PPP1R37: variants seen among roughly 807,000 people sequenced by gnomAD.
The protein encoded by PPP1R37 is leucine rich repeat containing 68.
PPP1R37 carries 21 observed loss-of-function variants against 61.0 expected under a neutral mutation model. The ratio of observed to expected loss-of-function variants is 0.34; its 90% CI spans 0.24 to 0.50. The LOEUF is 0.50. Among genes scored for constraint, PPP1R37 ranks in the 20% least tolerant of loss-of-function variants. The pLI, the probability that PPP1R37 is intolerant of heterozygous loss-of-function variation, is 0.98. For synonymous variants in PPP1R37, 443 were observed against 433.5 expected (o/e 1.02, Z -0.27); for missense variants, 910 against 952.7 (o/e 0.96, Z 0.59).
chr19:45,109,168 A>C (rs771888380), intron 1 of PPP1R37, among the ~76,000 whole-genome samples: 1 of 152,184 alleles, frequency 6.6e-6, no homozygotes, highest in Non-Finnish European at 1.5e-5. Context: ...GGACTCCTCT[A>C]TTGAAGATAG....
At position 45,146,467 on chromosome 19, in the gene PPP1R37, CTG is replaced by C. The variant is rs1200308868; in HGVS notation, c.2074_2075del (p.Ter692ThrfsTer3). On this transcript the variant is annotated frameshift_variant, in exon 12 of 13. Coordinates refer to ENST00000221462, the MANE Select transcript of PPP1R37 (RefSeq NM_019121.2). LOFTEE classifies it high-confidence loss of function. The stretch of plus-strand genomic sequence containing the variant: ...CAGTCAGGAATCCGGGCAGGAGACA[CTG>C]TGACACTTTAGGTGAGGCCAGGCCC... Reference protein sequence around the residue: ...EASQESGQETL With the variant: ...EASQESGQETX 4.6e-6 allele frequency: 7 copies of C among 1,535,388 alleles called. No individual in the cohort carries two copies. The highest frequency in any genetic ancestry group is 2.7e-5 in the African/African-American group (2 of 73,034).
chr19:45,100,870 G>A (rs536102599), intron 1 of PPP1R37, among the ~76,000 whole-genome samples: 1 of 152,352 alleles, frequency 6.6e-6, no homozygotes. Flanking sequence ...TCTGTCCTCA[G>A]CATTGCCTGC....
chr19:45,129,065 G>A, intron 1 of PPP1R37: 1 of 686,466 alleles, frequency 1.5e-6, no homozygotes, highest in Non-Finnish European at 2.7e-6. Flanking sequence ...TGGCAGCAGT[G>A]ATCTTCTGAG....
intron 1 of PPP1R37, among the ~76,000 whole-genome samples, chr19:45,104,880 C>G (rs1294820090): frequency 6.6e-6 from 1 of 152,198 alleles, no homozygotes; most frequent in Non-Finnish European, 1.5e-5. Context: ...CCGGCCCCAC[C>G]TACGCACACA....
chr19:45,113,919 T>G (rs1018735112), intron 1 of PPP1R37, among the ~76,000 whole-genome samples: 2 of 151,856 alleles, frequency 1.3e-5, no homozygotes, highest in Non-Finnish European at 2.9e-5. Flanking sequence ...GCAGGTGGGG[T>G]GGTGACTGGG....
At chr19:45,100,624 T>C (rs1170141232) in intron 1 of PPP1R37, among the ~76,000 whole-genome samples, 10 of 152,204 alleles carry the variant, frequency 6.6e-5, no homozygotes, top group Non-Finnish European at 1.5e-5. Context: ...TGCGCAGTAA[T>C]AACCCCTGTG....
intron 1 of PPP1R37, chr19:45,128,589 G>T: frequency 7.9e-7 from 1 of 1,262,432 alleles, no homozygotes. Flanking sequence ...TTTGGACTTC[G>T]AGACAAGAGA....
At chr19:45,115,877 G>A (rs572291754) in intron 1 of PPP1R37, among the ~76,000 whole-genome samples, 9 of 152,164 alleles carry the variant, frequency 5.9e-5, no homozygotes, top group African/African-American at 2.2e-4. Flanking sequence ...GGGAGGCTGA[G>A]GGAGGAGAAT....
rs980668963 is a variant in PPP1R37, at chr19:45,144,841, CCCCT to C, written c.988-6_988-3del. 3 of 1,523,684 alleles carry C rather than the reference CCCCT, an allele frequency of 2.0e-6. No individual in the cohort carries two copies. In the African/African-American group the frequency reaches 4.1e-5, roughly 21 times the overall value. The allele number at this position is 1,523,684 out of a possible 1,614,324, so 94.4% of individuals were successfully genotyped here. ...CACGGCCTCCTCCTCACCCTCACAC[CCCCT>C]CCCTCCAGCCGCACACTCAGAGCCT... On this transcript the variant is annotated splice_polypyrimidine_tract_variant and intron_variant, in intron 8 of 12. Transcript: ENST00000221462.
chr19:45,093,218 C>A lies in PPP1R37; in HGVS notation c.-108C>A. 1 of 931,672 alleles carries A rather than the reference C, an allele frequency of 1.1e-6. No individual in the cohort carries two copies. The highest frequency in any genetic ancestry group is 2.8e-5 in the South Asian group (1 of 36,100). 57.7% of individuals were successfully genotyped at this position (931,672 alleles called of 1,614,324 possible). A position where few individuals can be genotyped will look rare whatever the true frequency, so the allele number is the denominator to read the frequency against. ...CTAGGAGAGCGGACGGAGGCGGCGC[C>A]TGAAGCGGCGGCGGAGCCCATGCCC... On this transcript the variant is annotated 5_prime_UTR_variant, in exon 1 of 13. In the 5' UTR this introduces an upstream ATG that the reference lacks. Coordinates refer to ENST00000221462, the MANE Select transcript of PPP1R37 (RefSeq NM_019121.2).
intron 1 of PPP1R37, among the ~76,000 whole-genome samples, chr19:45,099,483 C>A (rs1968034720): frequency 1.3e-5 from 2 of 152,208 alleles, no homozygotes; most frequent in South Asian, 4.1e-4. Flanking sequence ...TCCTCTGGAG[C>A]GGGGGCTCCA....
intron 1 of PPP1R37, among the ~76,000 whole-genome samples, chr19:45,107,002 G>C (rs542881760): frequency 1.3e-5 from 2 of 151,634 alleles, no homozygotes; most frequent in South Asian, 4.2e-4. Context: ...GTTTTTAGTA[G>C]AGACGGGATT....
chr19:45,100,678 G>A (rs10417618), intron 1 of PPP1R37, among the ~76,000 whole-genome samples: 21,570 of 152,188 alleles, frequency 0.14, 1,708 homozygotes, highest in Non-Finnish European at 0.17. Context: ...CGTGCCATAC[G>A]GTCTCTTCAT....
At chr19:45,120,313 G>A (rs1192919423) in intron 1 of PPP1R37, among the ~76,000 whole-genome samples, 1 of 152,062 alleles carries the variant, frequency 6.6e-6, no homozygotes, top group African/African-American at 2.4e-5. Context: ...CACCGCACCC[G>A]GCTTTCCCCA....
At chr19:45,098,701 A>G (rs372016236) in intron 1 of PPP1R37, among the ~76,000 whole-genome samples, 17 of 152,288 alleles carry the variant, frequency 1.1e-4, no homozygotes, top group African/African-American at 3.6e-4. Flanking sequence ...ACTGTTGGCT[A>G]TTGAAACCCG....
At chr19:45,093,636 T>C in intron 1 of PPP1R37, 109 bp downstream of exon 1, 2 of 729,124 alleles carry the variant, frequency 2.7e-6, no homozygotes, top group East Asian at 6.2e-5. Flanking sequence ...CACCTAATGG[T>C]GAATAAGGGG....
At position 45,146,399 on chromosome 19, in the gene PPP1R37, G is replaced by A. The variant is rs1209274189; in HGVS notation, c.2003G>A (p.Cys668Tyr). ...CCGTCCTCCCACACAGAACTGAGCT[G>A]CTCCAAGAACGAGAAGGAGCTCGAG... Reference protein sequence around the residue: ...GSCGLEHELSCSKNEKELEEL... With the variant: ...GSCGLEHELSYSKNEKELEEL... Residue 668 changes from cysteine (C) to tyrosine (Y), a missense_variant, in exon 12 of 13, where the codon TGC becomes TAC. By Grantham distance (194) the Cys-to-Tyr change is radical (BLOSUM62 -2). Coordinates refer to ENST00000221462, the MANE Select transcript of PPP1R37 (RefSeq NM_019121.2). 2 of 1,535,776 alleles carry A rather than the reference G, an allele frequency of 1.3e-6. No individual in the cohort carries two copies. The highest frequency in any genetic ancestry group is 8.7e-7 in the Non-Finnish European group (1 of 1,146,816).
intron 8 of PPP1R37, 23 bp downstream of exon 8, chr19:45,143,656 G>A: frequency 2.8e-6 from 4 of 1,443,740 alleles, no homozygotes; most frequent in Non-Finnish European, 3.8e-6. Flanking sequence ...GGCAGGGAAG[G>A]GAGGCACCTC....
Position 45,146,607 on chromosome 19 carries a change from C to T in PPP1R37, c.*45C>T. ...CGGTCGGTCTGCGATGAGCTGAGGC[C>T]AGAGCCATGAGAATCTGCTCACCTT... On this transcript the variant is annotated 3_prime_UTR_variant, in exon 13 of 13. Coordinates refer to ENST00000221462, the MANE Select transcript of PPP1R37 (RefSeq NM_019121.2). 1.5e-6 allele frequency: 1 copy of T among 671,610 alleles called. No homozygotes were observed. Among genetic ancestry groups the T allele is most frequent in the Non-Finnish European group, 2.5e-6 (1 of 398,604 alleles). The allele number at this position is 671,610 out of a possible 1,614,324, so 41.6% of individuals were successfully genotyped here.
Sources: gnomAD v4.1 joint callset for allele counts (sites outside exome capture counted in the v4.1 genomes callset) on GRCh38, gnomAD v4.1.1 for gene constraint, MANE v1.5 for transcripts, NCBI Gene and HGNC (gene_info 2026-07-23, HGNC 2026-07-21) for gene names.